Variants in MAF observed in about 807,000 individuals in gnomAD.
MAF encodes the protein transcription factor Maf.
A neutral mutation model predicts 22.0 loss-of-function variants in MAF; 10 were observed. The observed-to-expected ratio is 0.45, with a 90% confidence interval of 0.28 to 0.77. The LOEUF (loss-of-function observed/expected upper bound fraction) is 0.77. Ranked by LOEUF, MAF falls within the 30% of genes least tolerant of loss-of-function variation. The pLI, the probability that MAF is intolerant of heterozygous loss-of-function variation, is 0.12. For synonymous variants in MAF, 337 were observed against 255.8 expected (o/e 1.32, Z -3.03); for missense variants, 544 against 548.4 (o/e 0.99, Z 0.08).
chr16:79,548,304 A>G, the MAF span, among the ~76,000 whole-genome samples: 1 of 152,072 alleles, frequency 6.6e-6, no homozygotes, highest in Non-Finnish European at 1.5e-5. Flanking sequence ...CTGTTTTTTC[A>G]TTAGTTTTTT....
the MAF span, among the ~76,000 whole-genome samples, chr16:79,499,345 C>G: frequency 6.6e-6 from 1 of 152,112 alleles, no homozygotes; most frequent in Admixed American, 6.5e-5. Context: ...GGCAAGGTGT[C>G]AGGAGTGAAC....
At chr16:79,287,935 C>T in the MAF span, among the ~76,000 whole-genome samples, 8 of 152,292 alleles carry the variant, frequency 5.3e-5, no homozygotes, top group East Asian at 3.9e-4. Flanking sequence ...ATCGTAGCTC[C>T]GATTTATTGA....
chr16:79,484,214 C>T, the MAF span, among the ~76,000 whole-genome samples: 335 of 152,320 alleles, frequency 2.2e-3, 1 homozygote, highest in African/African-American at 7.3e-3. Context: ...CCAAGGCAAC[C>T]GTCCAGGTCC....
chr16:79,514,629 T>G, the MAF span, among the ~76,000 whole-genome samples: 1 of 152,128 alleles, frequency 6.6e-6, no homozygotes, highest in Non-Finnish European at 1.5e-5. Flanking sequence ...AAATCTCGGT[T>G]TGAAACTAAG....
the MAF span, among the ~76,000 whole-genome samples, chr16:79,252,767 G>C: frequency 1.3e-5 from 2 of 152,314 alleles, no homozygotes; most frequent in South Asian, 4.1e-4. Context: ...TGGGATTACA[G>C]GTGTGAGTCA....
the MAF span, among the ~76,000 whole-genome samples, chr16:79,528,708 T>A: frequency 1.3e-5 from 2 of 151,754 alleles, no homozygotes; most frequent in South Asian, 4.1e-4. Context: ...AGCTTCTTAC[T>A]ATATTAGGGC....
At chr16:79,322,391 G>T in the MAF span, among the ~76,000 whole-genome samples, 1 of 152,188 alleles carries the variant, frequency 6.6e-6, no homozygotes, top group Non-Finnish European at 1.5e-5. Flanking sequence ...TGTGGATTCA[G>T]TTAGGAAGGG....
At chr16:79,238,025 C>T in the MAF span, among the ~76,000 whole-genome samples, 1 of 152,228 alleles carries the variant, frequency 6.6e-6, no homozygotes, top group African/African-American at 2.4e-5. Context: ...TTTTGACCTT[C>T]TGGATTTTGC....
At chr16:79,420,228 T>C in the MAF span, among the ~76,000 whole-genome samples, 5 of 152,354 alleles carry the variant, frequency 3.3e-5, no homozygotes, top group East Asian at 9.7e-4. Context: ...TTTATAGATG[T>C]GCATCAGTGT....
chr16:79,286,915 G>A, the MAF span, among the ~76,000 whole-genome samples: 2 of 152,144 alleles, frequency 1.3e-5, no homozygotes, highest in African/African-American at 2.4e-5. Context: ...AGTTCTTGGA[G>A]TATGGCACAG....
At chr16:79,421,783 G>GC in the MAF span, among the ~76,000 whole-genome samples, 1 of 151,140 alleles carries the variant, frequency 6.6e-6, no homozygotes, top group South Asian at 2.1e-4. Context: ...CTTTTGTTTT[G>GC]TTTTTTTCTT....
At chr16:79,537,414 A>G in the MAF span, among the ~76,000 whole-genome samples, 1 of 151,218 alleles carries the variant, frequency 6.6e-6, no homozygotes, top group African/African-American at 2.4e-5. Flanking sequence ...CAAGAATTCC[A>G]AAAGGGAGGC....
chr16:79,291,983 G>T, the MAF span, among the ~76,000 whole-genome samples: 1 of 151,412 alleles, frequency 6.6e-6, no homozygotes, highest in African/African-American at 2.4e-5. Context: ...AAGTGGCATC[G>T]TCCCTCTTTC....
the MAF span, among the ~76,000 whole-genome samples, chr16:79,425,362 TA>T: frequency 1.3e-5 from 2 of 151,696 alleles, no homozygotes; most frequent in Non-Finnish European, 2.9e-5. Context: ...CCTCTATGGG[TA>T]AAAAAAAGAT....
downstream of MAF, among the ~76,000 whole-genome samples, chr16:79,583,885 T>A (rs1172996986): frequency 6.6e-6 from 1 of 152,214 alleles, no homozygotes; most frequent in Non-Finnish European, 1.5e-5. Context: ...TTGTCTATGT[T>A]AATCTTCATG....
the MAF span, among the ~76,000 whole-genome samples, chr16:79,218,567 T>C: frequency 6.6e-6 from 1 of 152,210 alleles, no homozygotes; most frequent in Non-Finnish European, 1.5e-5. Flanking sequence ...TACTGTTTGT[T>C]TACAACCTTA....
the MAF span, among the ~76,000 whole-genome samples, chr16:79,266,357 G>GGGACT: frequency 6.5e-3 from 996 of 152,300 alleles, 16 homozygotes; most frequent in African/African-American, 0.023. Context: ...TGGATAAGGG[G>GGGACT]GGACTACTGT....
the MAF span, among the ~76,000 whole-genome samples, chr16:79,339,333 A>G: frequency 6.6e-6 from 1 of 152,304 alleles, no homozygotes; most frequent in East Asian, 1.9e-4. Context: ...TGCTGGGATT[A>G]CAGGCGTGAG....
the MAF span, among the ~76,000 whole-genome samples, chr16:79,429,071 T>G: frequency 6.6e-6 from 1 of 152,224 alleles, no homozygotes; most frequent in South Asian, 2.1e-4. Flanking sequence ...GCGGATGTCT[T>G]TAAATGCCGA....
Sources: allele counts gnomAD v4.1 joint callset (sites outside exome capture counted in the v4.1 genomes callset), GRCh38; gene constraint gnomAD v4.1.1; transcripts MANE v1.5; gene names NCBI Gene and HGNC (gene_info 2026-07-23, HGNC 2026-07-21).